The following STAB2 variants were observed in gnomAD, a reference collection of about 807,000 sequenced individuals.
STAB2 encodes stabilin 2, also known as stabilin-2.
A neutral mutation model predicts 338.1 loss-of-function variants in STAB2; 288 were observed. The observed-to-expected ratio is 0.85, with a 90% confidence interval of 0.77 to 0.94. The LOEUF (loss-of-function observed/expected upper bound fraction) is 0.94. Ranked by LOEUF, STAB2 falls within the 40% of genes least tolerant of loss-of-function variation. The pLI, the probability that STAB2 is intolerant of heterozygous loss-of-function variation, is 0.00. For synonymous variants in STAB2, 1,202 were observed against 1,193.3 expected, an observed-to-expected ratio of 1.01 and a Z score of -0.15; for missense variants, 3,141 against 3,210.1, an observed-to-expected ratio of 0.98 and a Z score of 0.52.
chr12:103,742,987 T>G (rs1325608508), intron 56 of STAB2, among the ~76,000 whole-genome samples: 1 of 152,016 alleles, frequency 6.6e-6, no homozygotes, highest in Admixed American at 6.6e-5. Flanking sequence ...TACAAAGAGC[T>G]TAAGTGATTT....
Position 103,722,949 on chromosome 12 carries a change from CTAGTGAGTCCAT to C in STAB2, c.4684-2023_4684-2012del, listed in dbSNP as rs576288896. Among the ~76,000 whole-genome samples the C allele has an allele frequency of 1.4e-4, 22 of 152,246 alleles. No homozygotes were observed. The South Asian group carries it at 2.3e-3, about 16-fold the overall frequency. ...GGTCAGTATATTAGTCAGTGATGAA[CTAGTGAGTCCAT>C]TAATGAGTCAGTCCATTAGTTAGTT... On this transcript the variant is annotated intron_variant, in intron 44 of 68. Coordinates refer to ENST00000388887, the MANE Select transcript of STAB2 (RefSeq NM_017564.10).
intron 6 of STAB2, 76 bp from the exon 7 acceptor site, chr12:103,637,033 AAG>A: frequency 7.0e-7 from 1 of 1,427,360 alleles, no homozygotes; most frequent in South Asian, 1.6e-5. Flanking sequence ...TTTTTAATAA[AAG>A]GGAATACTGC....
intron 49 of STAB2, among the ~76,000 whole-genome samples, chr12:103,730,807 G>A (rs948712397): frequency 1.6e-4 from 24 of 152,262 alleles, no homozygotes; most frequent in African/African-American, 4.8e-4. Context: ...CCAGCAATCC[G>A]GGAGGCCAAG....
intron 3 of STAB2, among the ~76,000 whole-genome samples, chr12:103,611,878 C>T (rs2138600927): frequency 6.6e-6 from 1 of 152,256 alleles, no homozygotes; most frequent in African/African-American, 2.4e-5. Flanking sequence ...GTAAGGCAGG[C>T]CTGGTGGTGA....
In STAB2 at chr12:103,699,464, C is replaced by A. The variant is rs147612655; in HGVS notation, c.3714+237C>A. Among the ~76,000 whole-genome samples the A allele has an allele frequency of 2.0e-5, 3 of 152,326 alleles. No individual in the cohort carries two copies. The East Asian group carries it at 5.8e-4, about 29-fold the overall frequency. On this transcript the variant is annotated intron_variant, in intron 34 of 68. Transcript: ENST00000388887. Reference sequence around the variant, plus strand: ...GAAGGCAAGGAGGCACAAGTCACGTCTTTCATGGATGGCAGCAGGCAAAAA... The same window carrying A: ...GAAGGCAAGGAGGCACAAGTCACGTATTTCATGGATGGCAGCAGGCAAAAA...
At chr12:103,717,917 C>T in intron 44 of STAB2, 76 bp downstream of exon 44, 1 of 1,451,774 alleles carries the variant, frequency 6.9e-7, no homozygotes, top group East Asian at 2.3e-5. Context: ...CTCGGGGATG[C>T]AGAGTTGAGG....
In STAB2 at chr12:103,685,477, C is replaced by T. The variant is rs183746614; in HGVS notation, c.2997+393C>T. Reference sequence around the variant, plus strand: ...GTGCGCGTGCGTGTGTGTGTGCGTGCGCGCATGTGTGTGTGTGTGTACACA... The same window carrying T: ...GTGCGCGTGCGTGTGTGTGTGCGTGTGCGCATGTGTGTGTGTGTGTACACA... On this transcript the variant is annotated intron_variant, in intron 27 of 68. Coordinates refer to ENST00000388887, the MANE Select transcript of STAB2 (RefSeq NM_017564.10). 7.0e-3 allele frequency among the ~76,000 whole-genome samples: 1,046 copies of T among 149,586 alleles called. 15 individuals are homozygous for T. Among genetic ancestry groups the T allele is most frequent in the African/African-American group, 0.024 (989 of 40,524 alleles).
intron 51 of STAB2, 92 bp from the exon 52 acceptor site, chr12:103,735,399 C>T: frequency 1.4e-6 from 1 of 733,230 alleles, no homozygotes; most frequent in Non-Finnish European, 2.2e-6. Context: ...GAAAAATTTG[C>T]ATCTGAATTT....
At chr12:103,661,217 CA>C (rs10548393) in intron 17 of STAB2, among the ~76,000 whole-genome samples, 7,026 of 105,868 alleles carry the variant, frequency 0.066, 239 homozygotes, top group African/African-American at 0.15. Context: ...GAGTTCCAGA[CA>C]AAAAAAAAAA....
intron 3 of STAB2, among the ~76,000 whole-genome samples, chr12:103,602,193 A>C (rs748778451): frequency 2.0e-5 from 3 of 152,220 alleles, no homozygotes; most frequent in Non-Finnish European, 2.9e-5. Context: ...ATGTCATATA[A>C]TTGGAATCAT....
chr12:103,649,961 T>A (rs1217972390), intron 10 of STAB2, among the ~76,000 whole-genome samples: 1 of 152,134 alleles, frequency 6.6e-6, no homozygotes, highest in East Asian at 1.9e-4. Context: ...GCCTGTCCTG[T>A]CGTCCCAGCT....
intron 55 of STAB2, 52 bp from the exon 56 acceptor site, chr12:103,742,353 G>A: frequency 6.3e-7 from 1 of 1,597,650 alleles, no homozygotes; most frequent in Non-Finnish European, 8.5e-7. Context: ...AAGGTGCTGA[G>A]CTGCTCTGGC....
intron 26 of STAB2, among the ~76,000 whole-genome samples, chr12:103,684,104 T>C (rs572454530): frequency 6.6e-5 from 10 of 152,186 alleles, no homozygotes; most frequent in Non-Finnish European, 1.3e-4. Flanking sequence ...TCGTTTGACT[T>C]CCCTCTGTGC....
intron 31 of STAB2, 46 bp from the exon 32 acceptor site, chr12:103,695,504 G>T: frequency 6.3e-7 from 1 of 1,594,752 alleles, no homozygotes; most frequent in Non-Finnish European, 8.6e-7. Context: ...AAAGCAGTAG[G>T]TCCTACCAAA....
At chr12:103,725,594 A>G (rs944244369) in intron 45 of STAB2, among the ~76,000 whole-genome samples, 30 of 151,630 alleles carry the variant, frequency 2.0e-4, no homozygotes, top group African/African-American at 1.7e-4. Flanking sequence ...GTGTGTGTGC[A>G]TGTGTGTACG....
intron 3 of STAB2, among the ~76,000 whole-genome samples, chr12:103,619,750 C>T (rs1190478161): frequency 6.9e-6 from 1 of 144,800 alleles, no homozygotes; most frequent in African/African-American, 2.6e-5. Context: ...ATCAGCAACG[C>T]CCCCCGCCCC....
At chr12:103,730,044 C>G (rs1421901917) in intron 48 of STAB2, 72 bp from the exon 49 acceptor site, 1 of 1,441,488 alleles carries the variant, frequency 6.9e-7, no homozygotes, top group East Asian at 2.4e-5. Context: ...ATTGGTAAAG[C>G]ATTCTGTGAG....
At chr12:103,709,491 G>A (rs1879660134) in intron 39 of STAB2, among the ~76,000 whole-genome samples, 1 of 152,226 alleles carries the variant, frequency 6.6e-6, no homozygotes, top group Non-Finnish European at 1.5e-5. Context: ...GAATACCCCT[G>A]GAAGCAGGTA....
intron 22 of STAB2, among the ~76,000 whole-genome samples, chr12:103,673,656 A>G (rs984596650): frequency 6.6e-6 from 1 of 152,138 alleles, no homozygotes; most frequent in African/African-American, 2.4e-5. Context: ...GCCTTAAAGG[A>G]GTTCTGAGAC....
Sources: gnomAD v4.1 joint callset for allele counts (sites outside exome capture counted in the v4.1 genomes callset) on GRCh38, gnomAD v4.1.1 for gene constraint, MANE v1.5 for transcripts, NCBI Gene and HGNC (gene_info 2026-07-23, HGNC 2026-07-21) for gene names.